The following AUTS2 variants were observed in gnomAD, a reference collection of about 807,000 sequenced individuals.
The protein encoded by AUTS2 is activator of transcription and developmental regulator AUTS2.
In AUTS2, 17 loss-of-function variants were observed where a neutral mutation model predicts 112.4. That is an observed-to-expected ratio of 0.15 (90% CI 0.10 to 0.23). The LOEUF (loss-of-function observed/expected upper bound fraction) is 0.23. Ranked by LOEUF, AUTS2 falls within the 10% of genes least tolerant of loss-of-function variation. AUTS2 has a pLI of 1.00. For synonymous variants in AUTS2, 751 were observed against 702.7 expected (o/e 1.07, Z -1.09); for missense variants, 1,510 against 1,701.6 (o/e 0.89, Z 1.98).
chr7:70,778,528 G>GGAGT (rs1790853238), intron 14 of AUTS2, among the ~76,000 whole-genome samples: 1 of 151,648 alleles, frequency 6.6e-6, no homozygotes, highest in Non-Finnish European at 1.5e-5. Context: ...CTTGAGCCTG[G>GGAGT]GAGTTTGAGT....
At chr7:70,705,349 C>T (rs1043608250) in intron 6 of AUTS2, among the ~76,000 whole-genome samples, 3 of 152,306 alleles carry the variant, frequency 2.0e-5, no homozygotes, top group Non-Finnish European at 4.4e-5. Flanking sequence ...GATTCCCACT[C>T]GAGTAATCCG....
Position 70,534,142 on chromosome 7 carries a change from C to A in AUTS2, c.690+98361C>A, listed in dbSNP as rs369006721. Reference sequence around the variant, plus strand: ...TGCCTCCACATCGGCAGGCTTCCAGCACCCCACTATTCTGGATCTCAACAT... The same window carrying A: ...TGCCTCCACATCGGCAGGCTTCCAGAACCCCACTATTCTGGATCTCAACAT... On this transcript the variant is annotated intron_variant, in intron 5 of 18. Coordinates refer to ENST00000342771, the MANE Select transcript of AUTS2 (RefSeq NM_015570.4). 5.9e-5 allele frequency among the ~76,000 whole-genome samples: 9 copies of A among 152,302 alleles called. No homozygotes were observed. The East Asian group carries it at 9.7e-4, about 16-fold the overall frequency.
intron 6 of AUTS2, among the ~76,000 whole-genome samples, chr7:70,700,607 G>C (rs973546891): frequency 6.7e-6 from 1 of 149,756 alleles, no homozygotes; most frequent in Admixed American, 6.8e-5. Flanking sequence ...ATTAAGGGGG[G>C]TGTGGAGGGG....
At chr7:69,668,524 G>A (rs972544523) in intron 1 of AUTS2, among the ~76,000 whole-genome samples, 1 of 152,168 alleles carries the variant, frequency 6.6e-6, no homozygotes, top group Admixed American at 6.5e-5. Context: ...ATTTTAGCAC[G>A]TGGTGATCTT....
At chr7:69,989,956 G>A (rs1798675325) in intron 2 of AUTS2, among the ~76,000 whole-genome samples, 1 of 152,144 alleles carries the variant, frequency 6.6e-6, no homozygotes, top group Admixed American at 6.5e-5. Flanking sequence ...ATCTGAGGTG[G>A]AACAGGTGCA....
At position 69,744,871 on chromosome 7, in the gene AUTS2, C is replaced by T. The variant is rs140648332; in HGVS notation, c.309+144909C>T. On this transcript the variant is annotated intron_variant, in intron 1 of 18. Coordinates refer to ENST00000342771, the MANE Select transcript of AUTS2 (RefSeq NM_015570.4). ...AAATATTGCTTAGAATTTCTATAAA[C>T]AAGCTACACAAAAGCACTGTAAACA... 1.9e-3 allele frequency among the ~76,000 whole-genome samples: 295 copies of T among 152,170 alleles called. 1 individual carries two copies. Among genetic ancestry groups the T allele is most frequent in the African/African-American group, 6.8e-3 (283 of 41,536 alleles).
intron 4 of AUTS2, among the ~76,000 whole-genome samples, chr7:70,196,268 A>G (rs1000570722): frequency 2.6e-5 from 4 of 152,230 alleles, no homozygotes; most frequent in Non-Finnish European, 4.4e-5. Context: ...TGAAGAGGAT[A>G]GTACACAATG....
At chr7:70,375,326 T>G (rs1793036514) in intron 4 of AUTS2, among the ~76,000 whole-genome samples, 1 of 152,222 alleles carries the variant, frequency 6.6e-6, no homozygotes, top group Non-Finnish European at 1.5e-5. Flanking sequence ...GGAGCCTCAC[T>G]CTGAAGCCAA....
chr7:70,659,882 A>G (rs1230681708), intron 5 of AUTS2, among the ~76,000 whole-genome samples: 1 of 152,202 alleles, frequency 6.6e-6, no homozygotes, highest in Non-Finnish European at 1.5e-5. Flanking sequence ...GCTGTCAGAA[A>G]TGCAGGCAAC....
chr7:70,328,877 A>C (rs952001230), intron 4 of AUTS2, among the ~76,000 whole-genome samples: 5 of 152,196 alleles, frequency 3.3e-5, no homozygotes, highest in African/African-American at 9.7e-5. Context: ...CACTGCTTCT[A>C]TCTTGTTCCC....
At chr7:70,633,315 TA>T (rs2129538697) in intron 5 of AUTS2, among the ~76,000 whole-genome samples, 1 of 152,210 alleles carries the variant, frequency 6.6e-6, no homozygotes, top group East Asian at 1.9e-4. Flanking sequence ...TCTCTCCAGG[TA>T]GCTAAAGACA....
At chr7:69,680,065 T>A (rs1368763268) in intron 1 of AUTS2, among the ~76,000 whole-genome samples, 3 of 152,250 alleles carry the variant, frequency 2.0e-5, no homozygotes. Context: ...TGGAAGAGCA[T>A]TGACTTTTTT....
chr7:70,552,922 C>A (rs922333820), intron 5 of AUTS2, among the ~76,000 whole-genome samples: 1 of 152,166 alleles, frequency 6.6e-6, no homozygotes, highest in Non-Finnish European at 1.5e-5. Flanking sequence ...TCTGAATAAT[C>A]AAATAGATTG....
At chr7:70,074,636 T>A (rs1000625354) in intron 2 of AUTS2, among the ~76,000 whole-genome samples, 1 of 152,198 alleles carries the variant, frequency 6.6e-6, no homozygotes, top group Non-Finnish European at 1.5e-5. Context: ...CCCTGTCTAG[T>A]CCGGTCTTCT....
At chr7:70,644,349 G>C (rs553197108) in intron 5 of AUTS2, among the ~76,000 whole-genome samples, 8 of 152,286 alleles carry the variant, frequency 5.3e-5, no homozygotes, top group African/African-American at 1.7e-4. Context: ...ATTTTGAGCA[G>C]ATACCTAGAG....
At chr7:70,455,532 C>T (rs772373327) in intron 5 of AUTS2, among the ~76,000 whole-genome samples, 44 of 152,222 alleles carry the variant, frequency 2.9e-4, no homozygotes, top group South Asian at 6.2e-4. Context: ...AGCAGCTGAG[C>T]GTGGAGAGGT....
At chr7:70,654,798 G>C (rs532874101) in intron 5 of AUTS2, among the ~76,000 whole-genome samples, 2 of 152,256 alleles carry the variant, frequency 1.3e-5, no homozygotes, top group African/African-American at 4.8e-5. Context: ...GTTATTTTCT[G>C]TCTTGGTACT....
intron 2 of AUTS2, among the ~76,000 whole-genome samples, chr7:69,935,933 A>G (rs1425154454): frequency 6.6e-6 from 1 of 152,180 alleles, no homozygotes; most frequent in East Asian, 1.9e-4. Flanking sequence ...GTTACCTGCT[A>G]AAAAAGGCAT....
At chr7:70,584,628 G>T (rs546306715) in intron 5 of AUTS2, among the ~76,000 whole-genome samples, 1 of 152,364 alleles carries the variant, frequency 6.6e-6, no homozygotes, top group South Asian at 2.1e-4. Flanking sequence ...CAGCGAACTT[G>T]AGCCAGCCCT....
Sources: gnomAD v4.1 joint callset for allele counts (sites outside exome capture counted in the v4.1 genomes callset) on GRCh38, gnomAD v4.1.1 for gene constraint, MANE v1.5 for transcripts, NCBI Gene and HGNC (gene_info 2026-07-23, HGNC 2026-07-21) for gene names.